Variants in NCOA1 observed in about 807,000 individuals in gnomAD.
NCOA1 encodes the protein nuclear receptor coactivator 1, also known as Hin-2 protein.
NCOA1 carries 35 observed loss-of-function variants against 150.9 expected under a neutral mutation model. That is an observed-to-expected ratio of 0.23 (90% CI 0.18 to 0.31). The LOEUF is 0.31. NCOA1 is among the 10% of genes least tolerant of loss of function. The probability of loss-of-function intolerance (pLI) is 1.00; values close to 1 mark genes in which losing one functional copy is unlikely to be tolerated. For missense variants in NCOA1, 1,491 were observed against 1,749.3 expected, an observed-to-expected ratio of 0.85 and a Z score of 2.63; for synonymous variants, 590 against 630.0, an observed-to-expected ratio of 0.94 and a Z score of 0.95.
intron 12 of NCOA1, among the ~76,000 whole-genome samples, chr2:24,706,343 AAG>A (rs1440871253): frequency 1.3e-5 from 2 of 152,294 alleles, no homozygotes; most frequent in East Asian, 1.9e-4. Flanking sequence ...TATCAAATGT[AAG>A]AGTCGATAAG....
At chr2:24,589,630 G>GGTGTGT (rs148118845) in intron 3 of NCOA1, among the ~76,000 whole-genome samples, 7,817 of 147,474 alleles carry the variant, frequency 0.053, 224 homozygotes, top group African/African-American at 0.07. Context: ...AGAGGTTGGT[G>GGTGTGT]GTGTGTGTGT....
In NCOA1 at chr2:24,706,582, T is replaced by C. The variant is rs745703063; in HGVS notation, c.1112T>C (p.Leu371Pro). Residue 371 changes from leucine to proline, a missense_variant, in exon 13 of 23, where the codon CTT (leucine) becomes CCT (proline). By Grantham distance (98) the Leu-to-Pro change is moderately conservative. Coordinates refer to ENST00000348332, the MANE Select transcript of NCOA1 (RefSeq NM_003743.5). Reference protein sequence around the residue: ...IHIIDREHSGLSPQDDTNSGM... With the variant: ...IHIIDREHSGPSPQDDTNSGM... ...TTTCCCCCTAGGGAGCACAGTGGGC[T>C]TTCTCCTCAAGATGACACTAATTCT... The C allele has an allele frequency of 1.2e-6, 2 of 1,610,292 alleles. No individual in the cohort carries two copies. Among genetic ancestry groups the C allele is most frequent in the Non-Finnish European group, 1.7e-6 (2 of 1,176,978 alleles).
intron 20 of NCOA1, among the ~76,000 whole-genome samples, chr2:24,753,203 A>C (rs770473537): frequency 4.6e-5 from 7 of 151,744 alleles, no homozygotes; most frequent in Non-Finnish European, 4.4e-5. Flanking sequence ...TCCTAAACTC[A>C]CTCTGGATTT....
chr2:24,562,651 G>T (rs1666335152), intron 1 of NCOA1, among the ~76,000 whole-genome samples: 1 of 152,180 alleles, frequency 6.6e-6, no homozygotes, highest in Non-Finnish European at 1.5e-5. Context: ...GCTGAATTTT[G>T]AGACCATAAT....
intron 1 of NCOA1, among the ~76,000 whole-genome samples, chr2:24,526,758 T>A (rs886995357): frequency 1.2e-4 from 19 of 152,234 alleles, no homozygotes; most frequent in African/African-American, 4.3e-4. Context: ...ATTTAAGGTG[T>A]ACAACATGAT....
chr2:24,505,388 A>C (rs1455806152), intron 1 of NCOA1, among the ~76,000 whole-genome samples: 1 of 152,150 alleles, frequency 6.6e-6, no homozygotes, highest in Admixed American at 6.5e-5. Context: ...CCTGTTGGTC[A>C]GGCTGGTCTT....
chr2:24,634,873 G>T (rs553736372), intron 3 of NCOA1, among the ~76,000 whole-genome samples: 26 of 152,094 alleles, frequency 1.7e-4, no homozygotes, highest in Middle Eastern at 3.4e-3. Flanking sequence ...ACACCACCTT[G>T]CCCGGCTTAT....
At chr2:24,752,358 C>G (rs562664387) in intron 20 of NCOA1, among the ~76,000 whole-genome samples, 1 of 152,328 alleles carries the variant, frequency 6.6e-6, no homozygotes, top group African/African-American at 2.4e-5. Context: ...CACATAAGAA[C>G]AGCCATGCTT....
chr2:24,519,653 A>C (rs1365032501), intron 1 of NCOA1, among the ~76,000 whole-genome samples: 1 of 88,024 alleles, frequency 1.1e-5, no homozygotes, highest in Non-Finnish European at 2.6e-5. Flanking sequence ...CTGTCTCTAC[A>C]AAAAAAAAAA....
chr2:24,559,509 C>T lies in NCOA1; in HGVS notation c.-395-4786C>T, dbSNP rs1204541209. The stretch of plus-strand genomic sequence containing the variant: ...CAGTGATAGCCTGTTGTTTGTTATT[C>T]AGTGCCATGCTTGTGGTGCAGAGCA... On this transcript the variant is annotated intron_variant, in intron 1 of 22. Coordinates refer to ENST00000348332, the MANE Select transcript of NCOA1 (RefSeq NM_003743.5). 2.6e-5 allele frequency among the ~76,000 whole-genome samples: 4 copies of T among 152,156 alleles called. No homozygotes were observed. In the East Asian group the frequency reaches 5.8e-4, roughly 22 times the overall value.
rs1223250159 is a variant in NCOA1, at chr2:24,769,501, T to G, written c.*1110T>G. ...TGCCAGAAAGAGCTGTTCCAGCTGA[T>G]CTAGAGCATACTGCCCTAGAGTGTC... On this transcript the variant is annotated 3_prime_UTR_variant, in exon 23 of 23. Transcript: ENST00000348332. The G allele has an allele frequency of 5.0e-6, 1 of 198,674 alleles. No homozygotes were observed. The highest frequency in any genetic ancestry group is 1.0e-5 in the Non-Finnish European group (1 of 95,880). The allele number at this position is 198,674 out of a possible 1,614,324, so 12.3% of individuals were successfully genotyped here. A position where few individuals can be genotyped will look rare whatever the true frequency, so the allele number is the denominator to read the frequency against.
chr2:24,584,618 G>T (rs1667324502), intron 3 of NCOA1, 58 bp downstream of exon 3: 1 of 152,044 alleles, frequency 6.6e-6, no homozygotes, highest in Non-Finnish European at 1.5e-5. Context: ...TCCTAATTTG[G>T]GCCTATAGTG....
chr2:24,736,420 C>G (rs186527088), intron 17 of NCOA1, among the ~76,000 whole-genome samples: 29 of 152,150 alleles, frequency 1.9e-4, no homozygotes, highest in African/African-American at 4.6e-4. Flanking sequence ...TAAAACAAGT[C>G]AAGTCCAGAT....
At chr2:24,495,914 T>G (rs995118334) in intron 1 of NCOA1, among the ~76,000 whole-genome samples, 2 of 152,370 alleles carry the variant, frequency 1.3e-5, no homozygotes, top group South Asian at 2.1e-4. Context: ...TAGACATTAA[T>G]GACTAACAGG....
At chr2:24,542,601 C>A (rs1458648953) in intron 1 of NCOA1, among the ~76,000 whole-genome samples, 1 of 152,086 alleles carries the variant, frequency 6.6e-6, no homozygotes. Flanking sequence ...AACTTTATCG[C>A]CAAATAGCAT....
Position 24,645,526 on chromosome 2 carries a change from A to C in NCOA1, c.-18+1404A>C, listed in dbSNP as rs1228825341. ...CTCCTCTCAGAAAAAAAAAAAAAAA[A>C]AAAAATTTCATCAGTTGCTAGAGCA... On this transcript the variant is annotated intron_variant, in intron 4 of 22. Transcript: ENST00000348332. Among the ~76,000 whole-genome samples, 7 of 151,810 alleles carry C rather than the reference A, an allele frequency of 4.6e-5. 1 individual carries two copies. The highest frequency in any genetic ancestry group is 1.4e-4 in the African/African-American group (6 of 41,428).
At chr2:24,617,330 T>G (rs894906832) in intron 3 of NCOA1, among the ~76,000 whole-genome samples, 18 of 152,182 alleles carry the variant, frequency 1.2e-4, no homozygotes, top group Non-Finnish European at 1.5e-5. Flanking sequence ...TTCTCGAAAC[T>G]GAACGTTATG....
intron 1 of NCOA1, among the ~76,000 whole-genome samples, chr2:24,512,935 G>A (rs962813999): frequency 6.6e-6 from 1 of 152,066 alleles, no homozygotes; most frequent in African/African-American, 2.4e-5. Context: ...TTGCAGTATT[G>A]GATGATTAAA....
chr2:24,516,862 T>C (rs1572371927), intron 1 of NCOA1, among the ~76,000 whole-genome samples: 1 of 125,716 alleles, frequency 8.0e-6, no homozygotes, highest in Admixed American at 9.0e-5. Context: ...TATATCTTTA[T>C]ATACCAGTGT....
Sources: allele counts gnomAD v4.1 joint callset (sites outside exome capture counted in the v4.1 genomes callset), GRCh38; gene constraint gnomAD v4.1.1; transcripts MANE v1.5; gene names NCBI Gene and HGNC (gene_info 2026-07-23, HGNC 2026-07-21).